The following GFM1 variants were observed in gnomAD, a reference collection of about 807,000 sequenced individuals.
GFM1 encodes the protein elongation factor G, mitochondrial.
In GFM1, 62 loss-of-function variants were observed where a neutral mutation model predicts 96.2. The observed-to-expected ratio is 0.64, with a 90% CI of 0.53 to 0.80. The LOEUF is 0.80. Among genes scored for constraint, GFM1 ranks in the 30% least tolerant of loss-of-function variants. The pLI is 0.00. For missense variants in GFM1, 852 were observed against 916.6 expected, an observed-to-expected ratio of 0.93 and a Z score of 0.91; for synonymous variants, 282 against 312.9, an observed-to-expected ratio of 0.90 and a Z score of 1.04.
chr3:158,674,163 C>T (rs1237820631), intron 13 of GFM1, among the ~76,000 whole-genome samples: 2 of 150,382 alleles, frequency 1.3e-5, no homozygotes, highest in African/African-American at 4.9e-5. Context: ...TCACTGCAAC[C>T]TCCACCTCCC....
At position 158,672,706 on chromosome 3, in the gene GFM1, C is replaced by T. The variant is rs143995396; in HGVS notation, c.1601+6320C>T. 929 of 451,994 alleles carry T rather than the reference C, an allele frequency of 2.1e-3. 4 individuals carry two copies. Among genetic ancestry groups the T allele is most frequent in the African/African-American group, 0.012 (631 of 50,550 alleles). The allele number at this position is 451,994 out of a possible 1,614,324, so 28.0% of individuals were successfully genotyped here. On this transcript the variant is annotated intron_variant, in intron 13 of 17. Coordinates refer to ENST00000486715, the MANE Select transcript of GFM1 (RefSeq NM_024996.7). ...GCTGACTGCTTCTGAGGCCCCGCCC[C>T]ACTACTGCCTGCAGCGGGCTTCCTT... is the stretch of plus-strand genomic sequence containing the variant.
intron 13 of GFM1, among the ~76,000 whole-genome samples, chr3:158,668,069 T>C (rs1195887286): frequency 6.6e-6 from 1 of 152,186 alleles, no homozygotes; most frequent in Non-Finnish European, 1.5e-5. Flanking sequence ...CCATAAAAAG[T>C]GGCCCTGAGG....
intron 4 of GFM1, among the ~76,000 whole-genome samples, chr3:158,648,665 G>A (rs1218284418): frequency 2.1e-5 from 3 of 140,310 alleles, no homozygotes; most frequent in South Asian, 2.4e-4. Context: ...GCAACAGGGC[G>A]AGACTCTTGT....
intron 7 of GFM1, 60 bp downstream of exon 7, chr3:158,653,527 G>T: frequency 8.0e-7 from 1 of 1,256,584 alleles, no homozygotes; most frequent in East Asian, 2.3e-5. Context: ...TATGCACTGT[G>T]AAGGAATTTA....
intron 5 of GFM1, among the ~76,000 whole-genome samples, chr3:158,651,684 T>C (rs1013393749): frequency 1.3e-5 from 2 of 152,232 alleles, no homozygotes; most frequent in African/African-American, 4.8e-5. Flanking sequence ...TGTTTTGAAC[T>C]TGTATTTTAC....
intron 10 of GFM1, among the ~76,000 whole-genome samples, chr3:158,661,358 G>A (rs1702613146): frequency 6.6e-6 from 1 of 152,138 alleles, no homozygotes; most frequent in Non-Finnish European, 1.5e-5. Context: ...TAGTTTCAGT[G>A]GAGTGCTACT....
At chr3:158,653,564 G>T (rs2108020549) in intron 7 of GFM1, 97 bp downstream of exon 7, 1 of 931,092 alleles carries the variant, frequency 1.1e-6, no homozygotes. Context: ...TTATGTCTGT[G>T]ATTTTTTTTC....
At chr3:158,653,015 A>C (rs975703251) in intron 6 of GFM1, among the ~76,000 whole-genome samples, 2 of 151,876 alleles carry the variant, frequency 1.3e-5, no homozygotes, top group Admixed American at 1.3e-4. Context: ...TAGTGTGTCT[A>C]TTTTCTATGT....
At chr3:158,648,284 C>T (rs1162475665) in intron 4 of GFM1, among the ~76,000 whole-genome samples, 2 of 152,036 alleles carry the variant, frequency 1.3e-5, no homozygotes, top group East Asian at 3.9e-4. Context: ...GATCTTTAAC[C>T]ATAGTTATAG....
chr3:158,664,438 G>A (rs982308182), intron 11 of GFM1, among the ~76,000 whole-genome samples: 1 of 152,126 alleles, frequency 6.6e-6, no homozygotes, highest in African/African-American at 2.4e-5. Flanking sequence ...TAGGATGGGG[G>A]TTCCCCATTT....
intron 13 of GFM1, chr3:158,672,479 T>C: frequency 6.2e-7 from 1 of 1,613,914 alleles, no homozygotes; most frequent in South Asian, 1.1e-5. Flanking sequence ...GGATTTCCAT[T>C]CCGGATGAGC....
At chr3:158,654,442 C>T (rs574656571) in intron 7 of GFM1, 105 bp from the exon 8 acceptor site, 46 of 716,620 alleles carry the variant, frequency 6.4e-5, no homozygotes, top group South Asian at 6.4e-4. Context: ...CAGTAATATC[C>T]CACACACGTG....
intron 13 of GFM1, among the ~76,000 whole-genome samples, chr3:158,670,754 T>C (rs1386216642): frequency 1.3e-5 from 2 of 152,246 alleles, no homozygotes; most frequent in East Asian, 3.9e-4. Flanking sequence ...CCTAGCACTT[T>C]GGGAGGCAGA....
At chr3:158,683,255 G>A (rs997863268) in intron 14 of GFM1, among the ~76,000 whole-genome samples, 6 of 152,156 alleles carry the variant, frequency 3.9e-5, no homozygotes, top group African/African-American at 9.7e-5. Context: ...GTAGATGAAG[G>A]AGAACTTAGA....
At chr3:158,687,781 T>TTA (rs1464222227) in intron 15 of GFM1, among the ~76,000 whole-genome samples, 2 of 152,166 alleles carry the variant, frequency 1.3e-5, no homozygotes, top group Non-Finnish European at 2.9e-5. Flanking sequence ...TATATAATTA[T>TTA]TATTTGTCAA....
At chr3:158,690,764 A>ACCT (rs1726243752) in intron 16 of GFM1, among the ~76,000 whole-genome samples, 2 of 152,208 alleles carry the variant, frequency 1.3e-5, no homozygotes, top group Admixed American at 1.3e-4. Flanking sequence ...CTCCTGGAAA[A>ACCT]CACTACTCTC....
intron 13 of GFM1, among the ~76,000 whole-genome samples, chr3:158,673,472 C>T (rs1034822814): frequency 8.0e-5 from 12 of 149,656 alleles, no homozygotes; most frequent in African/African-American, 2.7e-4. Context: ...CCAAGGTCTT[C>T]GCTGCCTGGA....
rs750624002 is a variant in GFM1, at chr3:158,690,184, G to A, written c.1931G>A (p.Cys644Tyr). Residue 644 changes from cysteine to tyrosine, a missense_variant, in exon 16 of 18, where the codon TGT becomes TAT. Cys to Tyr is a radical substitution (Grantham distance 194). Transcript: ENST00000486715. ...LKQALANATL[C>Y]ILEPIMAVEV... is the part of the protein sequence containing the mutation. Reference sequence around the variant, plus strand: ...CCAGCCTTGGCAAATGCAACATTATGTATTCTTGAACCTATTATGGCTGTG... The same window carrying A: ...CCAGCCTTGGCAAATGCAACATTATATATTCTTGAACCTATTATGGCTGTG... 3 of 1,609,360 alleles carry A rather than the reference G, an allele frequency of 1.9e-6. No individual in the cohort carries two copies. Among genetic ancestry groups the A allele is most frequent in the South Asian group, 1.1e-5 (1 of 90,900 alleles).
At chr3:158,645,161 A>C (rs1468038213) in intron 1 of GFM1, among the ~76,000 whole-genome samples, 2 of 152,154 alleles carry the variant, frequency 1.3e-5, no homozygotes, top group Non-Finnish European at 2.9e-5. Flanking sequence ...GGGAATTGGA[A>C]ATCTTTGGGG....
Sources: allele counts gnomAD v4.1 joint callset (sites outside exome capture counted in the v4.1 genomes callset), GRCh38; gene constraint gnomAD v4.1.1; transcripts MANE v1.5; gene names NCBI Gene and HGNC (gene_info 2026-07-23, HGNC 2026-07-21).